RBM42: variants seen among roughly 807,000 people sequenced by gnomAD.
RBM42 encodes RNA-binding protein 42.
In RBM42, 21 loss-of-function variants were observed where a neutral mutation model predicts 41.4. The observed-to-expected ratio is 0.51, with a 90% CI of 0.36 to 0.73. RBM42 has a LOEUF of 0.73. Ranked by LOEUF, RBM42 falls within the 30% of genes least tolerant of loss-of-function variation. The pLI is 0.00. For synonymous variants in RBM42, 272 were observed against 271.2 expected (o/e 1.00, Z -0.03); for missense variants, 539 against 680.4 (o/e 0.79, Z 2.31).
At chr19:35,631,268 G>T in intron 3 of RBM42, 44 bp downstream of exon 3, 1 of 1,612,282 alleles carries the variant, frequency 6.2e-7, no homozygotes, top group Non-Finnish European at 8.5e-7. Flanking sequence ...CAATCAGGCA[G>T]GGTGGTAAAA....
At chr19:35,636,148 CTTT>C (rs1377926994) in intron 8 of RBM42, among the ~76,000 whole-genome samples, 3 of 150,414 alleles carry the variant, frequency 2.0e-5, no homozygotes, top group Non-Finnish European at 4.4e-5. Context: ...TTTGTTTCTT[CTTT>C]TGTTTTTTTT....
intron 8 of RBM42, among the ~76,000 whole-genome samples, chr19:35,635,314 C>CA (rs80100096): frequency 0.038 from 2,744 of 71,516 alleles, 59 homozygotes; most frequent in African/African-American, 0.1. Flanking sequence ...GACTCCATCT[C>CA]AAAAAAAAAA....
In RBM42 at chr19:35,633,962, G is replaced by A. The variant is rs1241579809; in HGVS notation, c.960G>A (p.Leu320=). 6 of 1,557,856 alleles carry A rather than the reference G, an allele frequency of 3.9e-6. No individual in the cohort carries two copies. In the East Asian group the frequency reaches 1.4e-4, roughly 35 times the overall value. ...TGCGCATTCCTGAACTCCTGTCCCTGCGTCCTCGGCCCCGGCCCCCTCGGC... is the reference window on the plus strand; with the variant it reads ...TGCGCATTCCTGAACTCCTGTCCCTACGTCCTCGGCCCCGGCCCCCTCGGC... The part of the protein sequence containing the change: ...PPLRIPELLS[L]RPRPRPPRPE... Residue 320 remains leucine (L), a synonymous_variant, in exon 7 of 10, where the codon CTG becomes CTA. Coordinates refer to ENST00000262633, the MANE Select transcript of RBM42 (RefSeq NM_024321.5).
chr19:35,637,527 G>A lies in RBM42; in HGVS notation c.1416G>A (p.Lys472=). The A allele has an allele frequency of 6.2e-7, 1 of 1,614,256 alleles. No homozygotes were observed. Among genetic ancestry groups the A allele is most frequent in the South Asian group, 1.1e-5 (1 of 91,088 alleles). The part of the protein sequence containing the change: ...RNLDVVRKKQ[K]EKKKLGLR ...TGGACGTGGTCCGCAAGAAGCAGAA[G>A]GAAAAGAAGAAGCTGGGCCTGAGAT... The change falls in exon 10 of 10, where the codon AAG becomes AAA. Residue 472 remains lysine (K), a synonymous_variant. Coordinates refer to ENST00000262633, the MANE Select transcript of RBM42 (RefSeq NM_024321.5). This position sits in a 1 kb window ranked among gnomAD's most constrained non-coding sequence, Gnocchi z 7.0.
At chr19:35,634,058 G>C (rs137887805) in intron 7 of RBM42, 39 bp downstream of exon 7, 2 of 1,467,760 alleles carry the variant, frequency 1.4e-6, no homozygotes, top group African/African-American at 1.4e-5. Flanking sequence ...CAGAAGGGAC[G>C]GGGGGCAGAC....
At chr19:35,636,555 C>T (rs1019661368) in intron 8 of RBM42, among the ~76,000 whole-genome samples, 1 of 152,204 alleles carries the variant, frequency 6.6e-6, no homozygotes, top group Non-Finnish European at 1.5e-5. Context: ...ACAGGCCCAA[C>T]TCAGAGGCAG....
rs776529854 is a variant in RBM42 at position 35,629,655 on chromosome 19, G to A, written c.264G>A (p.Ala88=). The A allele has an allele frequency of 3.1e-6, 5 of 1,614,030 alleles. No homozygotes were observed. Among genetic ancestry groups the A allele is most frequent in the Admixed American group, 1.7e-5 (1 of 59,998 alleles). The change falls in exon 2 of 10, where the codon GCG becomes GCA. Residue 88 remains alanine (A), a synonymous_variant. Coordinates refer to ENST00000262633, the MANE Select transcript of RBM42 (RefSeq NM_024321.5). ...CTCCTGTGATCCGCCCAATTATCGC[G>A]ACCAACACATACCAGCAGGTACGGC... ...PAAPVIRPII[A]TNTYQQVQQT...
chr19:35,629,458 A>G (rs1967366147), intron 1 of RBM42, 62 bp from the exon 2 acceptor site: 1 of 1,597,914 alleles, frequency 6.3e-7, no homozygotes, highest in South Asian at 1.1e-5. Context: ...CCCTCGCGAT[A>G]TACCCACAGT....
intron 2 of RBM42, 100 bp from the exon 3 acceptor site, chr19:35,631,040 C>T: frequency 9.4e-7 from 1 of 1,061,952 alleles, no homozygotes; most frequent in East Asian, 2.4e-5. Context: ...CAGCCACATA[C>T]AGAGCACAAA....
chr19:35,631,522 T>C (rs1967405787), intron 4 of RBM42, 117 bp downstream of exon 4: 5 of 971,598 alleles, frequency 5.1e-6, no homozygotes, highest in Non-Finnish European at 7.7e-6. Flanking sequence ...CAACTTGATG[T>C]TGTCATCCTA....
Position 35,629,192 on chromosome 19 carries a change from A to T in RBM42, c.39A>T (p.Ala13=). The part of the protein sequence containing the change: ...GAGPAPGLPG[A]GGPVVPGPGA... ...GGCCAGCCCCGGGACTCCCGGGTGC[A>T]GGAGGACCCGTGGTCCCGGGTCCTG... Residue 13 remains alanine, a synonymous_variant, in exon 1 of 10, where the codon GCA becomes GCT. Transcript: ENST00000262633. 1 of 1,534,042 alleles carries T rather than the reference A, an allele frequency of 6.5e-7. No homozygotes were observed. The highest frequency in any genetic ancestry group is 1.2e-5 in the South Asian group (1 of 83,650).
At position 35,635,395 on chromosome 19, in the gene RBM42, G is replaced by C. The variant is rs76647614; in HGVS notation, c.1135+1022G>C. Among the ~76,000 whole-genome samples the C allele has an allele frequency of 4.0e-4, 61 of 151,798 alleles. No individual in the cohort carries two copies. In the East Asian group the frequency reaches 0.011, roughly 27 times the overall value. The stretch of plus-strand genomic sequence containing the variant: ...AAGTCTAAGAACATTAACTAATTCG[G>C]TATCTTCTTTTCAGTTTATATTCGT... On this transcript the variant is annotated intron_variant, in intron 8 of 9. Coordinates refer to ENST00000262633, the MANE Select transcript of RBM42 (RefSeq NM_024321.5).
rs143885124 is a variant in RBM42 at position 35,636,159 on chromosome 19, T to G, written c.1136-999T>G. ...TTGTTTTGTTTCTTCTTTTGTTTTT[T>G]TTTTTTTTCTTTTTTTTGAGACAGA... On this transcript the variant is annotated intron_variant, in intron 8 of 9. Coordinates refer to ENST00000262633, the MANE Select transcript of RBM42 (RefSeq NM_024321.5). Among the ~76,000 whole-genome samples the G allele has an allele frequency of 1.1e-4, 17 of 151,266 alleles. No homozygotes were observed. The East Asian group carries it at 1.2e-3, about 10-fold the overall frequency.
At position 35,629,232 on chromosome 19, in the gene RBM42, G is replaced by T; in HGVS notation, c.79G>T (p.Gly27Cys). ...CCCGGGTCCTGGCGCTGGCATCCCG[G>T]GCAAAAGCGGCGAGGAACGCTTGAA... ...VVPGPGAGIP[G>C]KSGEERLKEM... The change falls in exon 1 of 10, where the codon GGC becomes TGC. Residue 27 changes from glycine to cysteine, a missense_variant. Transcript: ENST00000262633. 1 of 1,537,482 alleles carries T rather than the reference G, an allele frequency of 6.5e-7. No homozygotes were observed.
chr19:35,631,220 C>T lies in RBM42; in HGVS notation c.363C>T (p.Gly121=), dbSNP rs780571945. Residue 121 remains glycine, a synonymous_variant, in exon 3 of 10, where the codon GGC becomes GGT. Transcript: ENST00000262633. ...TGGTGGGTGGCCCTCCTTTTGTAGGCCCTGGTAAGTAAAGAGTAGCAAGGT... is the reference window on the plus strand; with the variant it reads ...TGGTGGGTGGCCCTCCTTTTGTAGGTCCTGGTAAGTAAAGAGTAGCAAGGT... ...PPMVGGPPFV[G]PVGFGPGDRS... 3 of 1,614,006 alleles carry T rather than the reference C, an allele frequency of 1.9e-6. No homozygotes were observed. The highest frequency in any genetic ancestry group is 2.5e-6 in the Non-Finnish European group (3 of 1,179,924).
chr19:35,634,175 G>A, intron 7 of RBM42, 81 bp from the exon 8 acceptor site: 2 of 1,562,760 alleles, frequency 1.3e-6, no homozygotes, highest in Non-Finnish European at 1.7e-6. Context: ...CCCTTACTGT[G>A]GTGGCAGGAG....
chr19:35,630,164 A>G (rs1306953477), intron 2 of RBM42, among the ~76,000 whole-genome samples: 1 of 151,996 alleles, frequency 6.6e-6, no homozygotes, highest in Non-Finnish European at 1.5e-5. Flanking sequence ...AATTACAAAA[A>G]TTAGCTGGGT....
At position 35,629,416 on chromosome 19, in the gene RBM42, G is replaced by A. The variant is rs893284838; in HGVS notation, c.129-104G>A. 7.7e-6 allele frequency: 12 copies of A among 1,548,928 alleles called. No individual in the cohort carries two copies. The African/African-American group carries it at 1.1e-4, about 14-fold the overall frequency. On this transcript the variant is annotated intron_variant, in intron 1 of 9. Coordinates refer to ENST00000262633, the MANE Select transcript of RBM42 (RefSeq NM_024321.5). Reference sequence around the variant, plus strand: ...GGGACCTTCGGGATTGTGGGGGCGGGGATAGGGGAGAGGTTGGCAGGGGTG... The same window carrying A: ...GGGACCTTCGGGATTGTGGGGGCGGAGATAGGGGAGAGGTTGGCAGGGGTG...
chr19:35,631,738 G>T, intron 4 of RBM42: 1 of 367,614 alleles, frequency 2.7e-6, no homozygotes, highest in Non-Finnish European at 5.0e-6. Flanking sequence ...AGAAGTCTCA[G>T]TATCTGCCAC....
Sources: gnomAD v4.1 joint callset for allele counts (sites outside exome capture counted in the v4.1 genomes callset) on GRCh38, gnomAD v4.1.1 for gene constraint, Gnocchi (gnomAD v3.1) non-coding constraint, MANE v1.5 for transcripts, NCBI Gene and HGNC (gene_info 2026-07-23, HGNC 2026-07-21) for gene names.